The following MTAP variants were observed in gnomAD, a reference collection of about 807,000 sequenced individuals.
MTAP encodes methylthioadenosine phosphorylase, also known as S-methyl-5'-thioadenosine phosphorylase.
MTAP carries 33 observed loss-of-function variants against 33.6 expected under a neutral mutation model. The observed-to-expected ratio is 0.98, with a 90% CI of 0.74 to 1.31. The LOEUF (loss-of-function observed/expected upper bound fraction) is 1.31. Among genes scored for constraint, MTAP ranks in the 40% most tolerant of loss-of-function variants. The pLI is 0.00. For synonymous variants in MTAP, 148 were observed against 125.7 expected (o/e 1.18, Z -1.19); for missense variants, 367 against 360.0 (o/e 1.02, Z -0.16).
intron 2 of MTAP, 134 bp from the exon 3 acceptor site, chr9:21,816,580 C>CATTTAATCAATA: frequency 1.5e-6 from 1 of 685,138 alleles, no homozygotes; most frequent in Non-Finnish European, 2.4e-6. Context: ...TATTGATAAT[C>CATTTAATCAATA]AGATCTTGCC....
At chr9:21,844,055 C>T (rs1587238751) in intron 5 of MTAP, among the ~76,000 whole-genome samples, 2 of 152,034 alleles carry the variant, frequency 1.3e-5, no homozygotes, top group Non-Finnish European at 2.9e-5. Flanking sequence ...GATATTACAA[C>T]CAATACCACA....
At chr9:21,881,616 A>G (rs1818012243) in intron 1 of MTAP, among the ~76,000 whole-genome samples, 1 of 152,114 alleles carries the variant, frequency 6.6e-6, no homozygotes, top group South Asian at 2.1e-4. Context: ...CAAATAACCA[A>G]TAAACATGCA....
intron 5 of MTAP, among the ~76,000 whole-genome samples, chr9:21,848,231 G>T (rs554842329): frequency 6.6e-6 from 1 of 152,230 alleles, no homozygotes; most frequent in East Asian, 1.9e-4. Flanking sequence ...CCTATAACTG[G>T]ACTGAAGTTC....
intron 1 of MTAP, among the ~76,000 whole-genome samples, chr9:21,920,612 A>G (rs1421935454): frequency 6.6e-6 from 1 of 152,176 alleles, no homozygotes; most frequent in Admixed American, 6.5e-5. Flanking sequence ...ATTGGGAAAC[A>G]ATTCTCTATG....
chr9:21,890,348 T>C (rs1563860854), intron 1 of MTAP, among the ~76,000 whole-genome samples: 1 of 152,188 alleles, frequency 6.6e-6, no homozygotes, highest in South Asian at 2.1e-4. Context: ...TGCCCCAGGC[T>C]ACATGTCTCC....
At chr9:21,888,734 A>G (rs1271293953) in intron 1 of MTAP, among the ~76,000 whole-genome samples, 1 of 152,134 alleles carries the variant, frequency 6.6e-6, no homozygotes, top group African/African-American at 2.4e-5. Flanking sequence ...AGTCTCTTGA[A>G]GACTTATTTT....
At chr9:21,816,851 T>TTCTGG (rs1824488092) in intron 3 of MTAP, 79 bp downstream of exon 3, 2 of 1,236,836 alleles carry the variant, frequency 1.6e-6, no homozygotes, top group Non-Finnish European at 2.3e-6. Context: ...AGAGTAAAGA[T>TTCTGG]ACAGGTCTGA....
Position 21,862,677 on chromosome 9 carries a change from A to G in MTAP, c.*663A>G, listed in dbSNP as rs1825777025. ...AGCCAACTGAAAATCCTTTTTGCAT[A>G]TTTCAATGTCCTAAAAAGACACGGT... On this transcript the variant is annotated 3_prime_UTR_variant, in exon 8 of 8. Coordinates refer to ENST00000644715, the MANE Select transcript of MTAP (RefSeq NM_002451.4). 1 of 152,796 alleles carries G rather than the reference A, an allele frequency of 6.5e-6. No individual in the cohort carries two copies. Among genetic ancestry groups the G allele is most frequent in the African/African-American group, 2.4e-5 (1 of 41,460 alleles). The allele number at this position is 152,796 out of a possible 1,614,324, so 9.5% of individuals were successfully genotyped here.
chr9:21,841,216 AC>A (rs1391915579), intron 5 of MTAP, among the ~76,000 whole-genome samples: 1 of 152,110 alleles, frequency 6.6e-6, no homozygotes, highest in Admixed American at 6.5e-5. Flanking sequence ...TGCCTGGGAA[AC>A]CAAAATAGTT....
intron 5 of MTAP, among the ~76,000 whole-genome samples, chr9:21,851,567 A>T (rs1303529079): frequency 6.6e-6 from 1 of 152,128 alleles, no homozygotes; most frequent in Non-Finnish European, 1.5e-5. Flanking sequence ...TATTGTCTTT[A>T]TTTGAAGATT....
intron 1 of MTAP, among the ~76,000 whole-genome samples, chr9:21,906,183 G>A (rs556429230): frequency 5.9e-5 from 9 of 152,192 alleles, no homozygotes; most frequent in East Asian, 1.9e-4. Flanking sequence ...AATCTTCCAC[G>A]CACAAATGTT....
At chr9:21,896,437 T>G (rs1818294132) in intron 1 of MTAP, among the ~76,000 whole-genome samples, 1 of 151,966 alleles carries the variant, frequency 6.6e-6, no homozygotes, top group African/African-American at 2.4e-5. Context: ...AAGAAATCAA[T>G]GAATCCAGGA....
At chr9:21,915,379 C>T (rs1455200868) in intron 1 of MTAP, among the ~76,000 whole-genome samples, 1 of 152,056 alleles carries the variant, frequency 6.6e-6, no homozygotes, top group Non-Finnish European at 1.5e-5. Flanking sequence ...GTGTCAGCCA[C>T]CCGTGCCTGG....
At chr9:21,879,445 A>G (rs1032939496) in intron 1 of MTAP, among the ~76,000 whole-genome samples, 1 of 152,002 alleles carries the variant, frequency 6.6e-6, no homozygotes, top group East Asian at 1.9e-4. Context: ...TATGGGTGTC[A>G]TTACATGTGA....
intron 4 of MTAP, among the ~76,000 whole-genome samples, chr9:21,831,785 A>AT (rs35859306): frequency 0.023 from 3,350 of 148,572 alleles, 90 homozygotes; most frequent in African/African-American, 0.056. Context: ...GCAGATATTG[A>AT]TTTTTTTTTT....
intron 1 of MTAP, among the ~76,000 whole-genome samples, chr9:21,882,854 TA>T (rs915783339): frequency 1.3e-5 from 2 of 152,034 alleles, no homozygotes; most frequent in Non-Finnish European, 2.9e-5. Flanking sequence ...AGTACACTTT[TA>T]AATAATTCAT....
chr9:21,832,393 G>T (rs182492428), intron 4 of MTAP, among the ~76,000 whole-genome samples: 22 of 152,232 alleles, frequency 1.4e-4, no homozygotes, highest in African/African-American at 5.1e-4. Flanking sequence ...AAAGAGTTAC[G>T]CAAGAAGCCT....
downstream of MTAP, among the ~76,000 whole-genome samples, chr9:21,870,652 T>C (rs1825921946): frequency 6.6e-6 from 1 of 151,906 alleles, no homozygotes; most frequent in Non-Finnish European, 1.5e-5. Flanking sequence ...TAATATAATA[T>C]ATCCAAAATG....
chr9:21,819,663 G>T (rs1300511449), intron 4 of MTAP, among the ~76,000 whole-genome samples: 1 of 152,126 alleles, frequency 6.6e-6, no homozygotes, highest in Non-Finnish European at 1.5e-5. Flanking sequence ...CCCAGTAATG[G>T]GATGGCTGGG....
Sources: allele counts gnomAD v4.1 joint callset (sites outside exome capture counted in the v4.1 genomes callset), GRCh38; gene constraint gnomAD v4.1.1; transcripts MANE v1.5; gene names NCBI Gene and HGNC (gene_info 2026-07-23, HGNC 2026-07-21).